The following ATRNL1 variants were observed in gnomAD, a reference collection of about 807,000 sequenced individuals.
The protein encoded by ATRNL1 is attractin-like protein 1.
Under a neutral mutation model 182.7 loss-of-function variants are expected in ATRNL1, and 95 were observed. That is an observed-to-expected ratio of 0.52 (90% CI 0.44 to 0.62). ATRNL1 has a LOEUF of 0.62. Ranked by LOEUF, ATRNL1 falls within the 20% of genes least tolerant of loss-of-function variation. The pLI, the probability that ATRNL1 is intolerant of heterozygous loss-of-function variation, is 0.00. For missense variants in ATRNL1, 1,471 were observed against 1,679.5 expected (o/e 0.88, Z 2.17); for synonymous variants, 576 against 568.3 (o/e 1.01, Z -0.19).
At chr10:115,296,175 A>G (rs1301986947) in intron 15 of ATRNL1, among the ~76,000 whole-genome samples, 1 of 152,130 alleles carries the variant, frequency 6.6e-6, no homozygotes, top group East Asian at 1.9e-4. Context: ...TATTCCCTAT[A>G]ACACGAAGTC....
At position 115,165,630 on chromosome 10, in the gene ATRNL1, T is replaced by G. The variant is rs1434640550; in HGVS notation, c.1077T>G (p.Ser359=). ...GACCTCTCCAGAGATATGGACACTC[T>G]CTTGCTTTATATCAGGTATGGCTCC... ...SRGPLQRYGH[S]LALYQENIFM... Residue 359 remains serine, a synonymous_variant, in exon 7 of 29, where the codon TCT becomes TCG. Transcript: ENST00000355044. 1 of 1,522,210 alleles carries G rather than the reference T, an allele frequency of 6.6e-7. No homozygotes were observed. The highest frequency in any genetic ancestry group is 8.9e-7 in the Non-Finnish European group (1 of 1,122,544). The allele number at this position is 1,522,210 out of a possible 1,614,324, so 94.3% of individuals were successfully genotyped here. A position where few individuals can be genotyped will look rare whatever the true frequency, so the allele number is the denominator to read the frequency against.
At chr10:115,592,514 C>T (rs532690459) in intron 26 of ATRNL1, among the ~76,000 whole-genome samples, 22 of 152,222 alleles carry the variant, frequency 1.4e-4, no homozygotes, top group Admixed American at 1.0e-3. Context: ...CATTAGCAGA[C>T]CCACGCAGCT....
intron 27 of ATRNL1, chr10:115,820,089 A>T (rs1950257240): frequency 6.6e-6 from 1 of 152,084 alleles, no homozygotes; most frequent in South Asian, 2.1e-4. Flanking sequence ...CTCTCTTTTT[A>T]TCATTTATGT....
intron 20 of ATRNL1, among the ~76,000 whole-genome samples, chr10:115,407,798 GA>G (rs2134325446): frequency 6.6e-6 from 1 of 152,114 alleles, no homozygotes; most frequent in African/African-American, 2.4e-5. Flanking sequence ...AGTATTTTGA[GA>G]AATTTCCATA....
intron 28 of ATRNL1, among the ~76,000 whole-genome samples, chr10:115,933,117 T>C (rs772823014): frequency 2.0e-5 from 3 of 152,252 alleles, no homozygotes; most frequent in Non-Finnish European, 4.4e-5. Flanking sequence ...AACTGAGTTA[T>C]GCTTATGGTG....
chr10:115,700,294 C>T (rs994480843), intron 26 of ATRNL1, among the ~76,000 whole-genome samples: 13 of 152,070 alleles, frequency 8.5e-5, no homozygotes, highest in African/African-American at 2.9e-4. Context: ...AGCTAATTTA[C>T]ACTCCCAGCA....
rs532505773 is a variant in ATRNL1, at chr10:115,559,877, A to G, written c.3795+10341A>G. ...AATTCTATTCAACATTTTACTGTAT[A>G]TAGTAGTCAGAGCAGTTAGGCAAAG... On this transcript the variant is annotated intron_variant, in intron 26 of 28. Transcript: ENST00000355044. 5.9e-5 allele frequency among the ~76,000 whole-genome samples: 9 copies of G among 152,334 alleles called. No individual in the cohort carries two copies. In the South Asian group the frequency reaches 1.7e-3, roughly 28 times the overall value.
intron 27 of ATRNL1, among the ~76,000 whole-genome samples, chr10:115,765,597 A>G (rs1399921823): frequency 1.3e-5 from 2 of 152,122 alleles, no homozygotes; most frequent in Non-Finnish European, 2.9e-5. Flanking sequence ...TTGTCTTCTT[A>G]CTCTCTTACA....
intron 28 of ATRNL1, among the ~76,000 whole-genome samples, chr10:115,934,656 G>A (rs1555122450): frequency 6.6e-6 from 1 of 152,008 alleles, no homozygotes; most frequent in Admixed American, 6.6e-5. Context: ...ATTCTTATCT[G>A]GTTTCAATAA....
chr10:115,175,218 C>T (rs573718737), intron 8 of ATRNL1, among the ~76,000 whole-genome samples: 5 of 151,900 alleles, frequency 3.3e-5, no homozygotes, highest in Non-Finnish European at 5.9e-5. Flanking sequence ...TGTGCTTCAT[C>T]GTTTCCTTTA....
intron 8 of ATRNL1, among the ~76,000 whole-genome samples, chr10:115,212,322 T>C (rs1554895218): frequency 6.6e-6 from 1 of 151,184 alleles, no homozygotes; most frequent in Non-Finnish European, 1.5e-5. Flanking sequence ...TTTGCTGAGA[T>C]ATTTTTGTTT....
chr10:115,123,348 T>C (rs1204221651), intron 3 of ATRNL1, among the ~76,000 whole-genome samples: 1 of 152,214 alleles, frequency 6.6e-6, no homozygotes, highest in Non-Finnish European at 1.5e-5. Context: ...AAATTGACAT[T>C]CAGAGAAGTT....
intron 15 of ATRNL1, among the ~76,000 whole-genome samples, chr10:115,287,924 G>GTTTTTTTTTTTTTT (rs11298663): frequency 7.7e-5 from 7 of 91,020 alleles, no homozygotes; most frequent in African/African-American, 1.7e-4. Context: ...AAGATCAACT[G>GTTTTTTTTTTTTTT]TTTTTTTTTT....
At chr10:115,619,283 G>C (rs1857596944) in intron 26 of ATRNL1, among the ~76,000 whole-genome samples, 1 of 152,172 alleles carries the variant, frequency 6.6e-6, no homozygotes, top group African/African-American at 2.4e-5. Context: ...CATGTGTGGT[G>C]AGCCATTCCA....
chr10:115,498,353 G>A (rs1849653730), intron 24 of ATRNL1, among the ~76,000 whole-genome samples: 1 of 151,816 alleles, frequency 6.6e-6, no homozygotes, highest in Non-Finnish European at 1.5e-5. Context: ...TAGCTATATT[G>A]GATAATCATA....
intron 27 of ATRNL1, among the ~76,000 whole-genome samples, chr10:115,771,703 G>C (rs1948997753): frequency 6.6e-6 from 1 of 152,078 alleles, no homozygotes; most frequent in African/African-American, 2.4e-5. Flanking sequence ...ATCAGTTATA[G>C]TTTTCTGTCT....
intron 26 of ATRNL1, among the ~76,000 whole-genome samples, chr10:115,618,830 T>G (rs1857570273): frequency 1.3e-5 from 2 of 152,226 alleles, no homozygotes; most frequent in South Asian, 4.1e-4. Context: ...CATTTTCTTC[T>G]GTGGTCTCCT....
At chr10:115,109,040 T>G (rs1207520865) in intron 1 of ATRNL1, among the ~76,000 whole-genome samples, 1 of 152,196 alleles carries the variant, frequency 6.6e-6, no homozygotes, top group Admixed American at 6.5e-5. Context: ...GCCAATATTC[T>G]GATCATAAGC....
intron 28 of ATRNL1, among the ~76,000 whole-genome samples, chr10:115,851,577 T>C (rs1319703256): frequency 3.3e-5 from 5 of 152,166 alleles, no homozygotes; most frequent in African/African-American, 7.2e-5. Flanking sequence ...CACTAATCTC[T>C]TTTTAATATA....
Sources: allele counts gnomAD v4.1 joint callset (sites outside exome capture counted in the v4.1 genomes callset), GRCh38; gene constraint gnomAD v4.1.1; transcripts MANE v1.5; gene names NCBI Gene and HGNC (gene_info 2026-07-23, HGNC 2026-07-21).